NAA38: variants seen among roughly 807,000 people sequenced by gnomAD.
NAA38 encodes the protein LSM domain containing 1.
Under a neutral mutation model 12.6 loss-of-function variants are expected in NAA38, and 15 were observed. The ratio of observed to expected loss-of-function variants is 1.19; its 90% CI spans 0.79 to 1.83. The LOEUF is 1.83. NAA38 is among the 40% of genes most tolerant of loss of function. The pLI is 0.00. For missense variants in NAA38, 183 were observed against 171.7 expected (o/e 1.07, Z -0.37); for synonymous variants, 88 against 69.9 (o/e 1.26, Z -1.29).
At chr17:7,881,290 AAG>A (rs983581675) in intron 2 of NAA38, among the ~76,000 whole-genome samples, 4 of 151,798 alleles carry the variant, frequency 2.6e-5, no homozygotes, top group African/African-American at 9.7e-5. Flanking sequence ...GAAACAAAAG[AAG>A]AGAGAAAAGC....
chr17:7,884,733 A>AGGAGGT (rs1967472803), intron 1 of NAA38: 12 of 153,330 alleles, frequency 7.8e-5, no homozygotes, highest in East Asian at 6.6e-4. Context: ...GAGGAGGAGG[A>AGGAGGT]GGTGGTGGTG....
At chr17:7,884,071 A>AACACACACACACAC (rs149257134) in intron 1 of NAA38, among the ~76,000 whole-genome samples, 180 of 148,652 alleles carry the variant, frequency 1.2e-3, no homozygotes, top group African/African-American at 3.9e-3. Context: ...ATGCCCCCCC[A>AACACACACACACAC]ACACACACAC....
intron 2 of NAA38, among the ~76,000 whole-genome samples, chr17:7,867,979 A>C (rs529037700): frequency 4.2e-4 from 64 of 152,270 alleles, no homozygotes; most frequent in African/African-American, 1.5e-3. Context: ...TTGGGAAGGA[A>C]AGTGATGAAT....
upstream of NAA38, chr17:7,857,914 G>A (rs2151384983): frequency 1.7e-5 from 24 of 1,417,790 alleles, no homozygotes; most frequent in Admixed American, 2.9e-5. Context: ...TATGCCCCAC[G>A]CGGGACTCAT....
chr17:7,879,869 AAC>A (rs1259545410), intron 2 of NAA38, among the ~76,000 whole-genome samples: 1 of 152,086 alleles, frequency 6.6e-6, no homozygotes, highest in African/African-American at 2.4e-5. Flanking sequence ...GAAACCTGGA[AAC>A]ACAGAAGGAG....
upstream of NAA38, chr17:7,859,491 T>C (rs979663463): frequency 3.7e-6 from 6 of 1,614,170 alleles, no homozygotes; most frequent in Non-Finnish European, 5.1e-6. Context: ...AACATGGATT[T>C]TACCCTGGAA....
Position 7,866,533 on chromosome 17 carries a change from T to TAG in NAA38, c.-41_-40insCT, listed in dbSNP as rs905646030. ...GATTTGGCTCTTTCAGGCTCTTCTT[T>TAG]GTCTCCCACGTTGGCCTTTCAGTTT... On this transcript the variant is annotated 5_prime_UTR_variant, in exon 3 of 5. Transcript: ENST00000576861. 2.4e-6 allele frequency: 3 copies of TAG among 1,231,488 alleles called. No individual in the cohort carries two copies. The African/African-American group carries it at 4.7e-5, about 19-fold the overall frequency. 76.3% of individuals were successfully genotyped at this position (1,231,488 alleles called of 1,614,324 possible).
chr17:7,878,812 T>C lies in NAA38; in HGVS notation c.-66+4423A>G, dbSNP rs74252294. Among the ~76,000 whole-genome samples the C allele has an allele frequency of 0.015, 2,223 of 152,202 alleles. 129 individuals are homozygous for C. The East Asian group carries it at 0.2, about 14-fold the overall frequency. On this transcript the variant is annotated intron_variant, in intron 2 of 4. Transcript: ENST00000576861. Reference sequence around the variant, plus strand: ...AAATTTTCAGATTGTACAGTAAGTATAAAAAGTCATTTTCTTATTCTTTTC... The same window carrying C: ...AAATTTTCAGATTGTACAGTAAGTACAAAAAGTCATTTTCTTATTCTTTTC...
chr17:7,865,942 G>A (rs1211097022), intron 3 of NAA38: 2 of 152,178 alleles, frequency 1.3e-5, no homozygotes, highest in Non-Finnish European at 2.9e-5. Context: ...GTCAGGCACA[G>A]TCCTGGAAAC....
Position 7,857,520 on chromosome 17 carries a change from G to C in NAA38, c.-57C>G, listed in dbSNP as rs2078836967. 4 of 1,474,340 alleles carry C rather than the reference G, an allele frequency of 2.7e-6. No individual in the cohort carries two copies. The highest frequency in any genetic ancestry group is 3.6e-6 in the Non-Finnish European group (4 of 1,115,308). The allele number at this position is 1,474,340 out of a possible 1,614,324, so 91.3% of individuals were successfully genotyped here. A position where few individuals can be genotyped will look rare whatever the true frequency, so the allele number is the denominator to read the frequency against. On this transcript the variant is annotated 5_prime_UTR_variant, in exon 1 of 3. Transcript: ENST00000575771. ...TTCCTAAGCACCTTTCAGGTTGGGT[G>C]GTCCGAGATCTCGCGAGCGCTCCCG...
chr17:7,857,293 G>A (rs535033725), intron 1 of NAA38, 90 bp downstream of exon 1: 16 of 1,612,158 alleles, frequency 9.9e-6, no homozygotes, highest in Non-Finnish European at 1.4e-5. Context: ...CTCACACAAA[G>A]CCCAGAGGCT....
intron 2 of NAA38, among the ~76,000 whole-genome samples, chr17:7,874,575 T>C (rs1345490157): frequency 6.6e-6 from 1 of 151,806 alleles, no homozygotes; most frequent in Admixed American, 6.6e-5. Context: ...GATGAGGGAA[T>C]CTGGAGGCAA....
At chr17:7,864,940 GGTACTT>G (rs1365731067) in intron 3 of NAA38, 1 of 152,038 alleles carries the variant, frequency 6.6e-6, no homozygotes, top group Non-Finnish European at 1.5e-5. Flanking sequence ...GTTTGTGTTA[GGTACTT>G]GTGTGTAGAA....
chr17:7,872,742 C>G (rs1320514462), intron 2 of NAA38, among the ~76,000 whole-genome samples: 2 of 152,234 alleles, frequency 1.3e-5, no homozygotes, highest in Non-Finnish European at 2.9e-5. Context: ...TATATTTTCA[C>G]AAATAGTTTT....
intron 3 of NAA38, among the ~76,000 whole-genome samples, chr17:7,866,235 C>T (rs1295164960): frequency 1.1e-4 from 16 of 149,828 alleles, no homozygotes; most frequent in East Asian, 3.9e-4. Context: ...TACAGATGCC[C>T]GCCACCAAGC....
chr17:7,884,827 CGAGGAGGAG>C (rs781353736), intron 1 of NAA38: 6 of 803,844 alleles, frequency 7.5e-6, no homozygotes, highest in African/African-American at 6.9e-5. Context: ...CTCTGAGGGA[CGAGGAGGAG>C]GAGGAGGAGG....
intron 2 of NAA38, among the ~76,000 whole-genome samples, chr17:7,882,858 C>T (rs1967302973): frequency 6.6e-6 from 1 of 152,166 alleles, no homozygotes; most frequent in South Asian, 2.1e-4. Context: ...CTCCTGAGCA[C>T]CGCCGAAGAT....
chr17:7,874,628 G>C (rs1427009160), intron 2 of NAA38, among the ~76,000 whole-genome samples: 1 of 152,098 alleles, frequency 6.6e-6, no homozygotes, highest in African/African-American at 2.4e-5. Flanking sequence ...GCTCACACCT[G>C]TAATCCCAGC....
chr17:7,859,173 TA>T, upstream of NAA38: 1 of 604,216 alleles, frequency 1.7e-6, no homozygotes, highest in Admixed American at 2.9e-5. Flanking sequence ...GTTGACCCTT[TA>T]TGGCCATCCG....
Sources: allele counts gnomAD v4.1 joint callset (sites outside exome capture counted in the v4.1 genomes callset), GRCh38; gene constraint gnomAD v4.1.1; transcripts MANE v1.5; gene names NCBI Gene and HGNC (gene_info 2026-07-23, HGNC 2026-07-21).